LGSN: variants seen among roughly 807,000 people sequenced by gnomAD.
LGSN encodes the protein lengsin.
Under a neutral mutation model 19.5 loss-of-function variants are expected in LGSN, and 21 were observed. That is an observed-to-expected ratio of 1.07 (90% CI 0.76 to 1.55). The LOEUF (loss-of-function observed/expected upper bound fraction) is 1.55. Ranked by LOEUF, LGSN falls within the 40% of genes most tolerant of loss-of-function variation. LGSN has a pLI of 0.00. For synonymous variants in LGSN, 257 were observed against 215.6 expected (o/e 1.19, Z -1.68); for missense variants, 673 against 608.5 (o/e 1.11, Z -1.12).
intron 1 of LGSN, among the ~76,000 whole-genome samples, chr6:63,309,805 A>G (rs748689195): frequency 6.6e-6 from 1 of 152,154 alleles, no homozygotes; most frequent in African/African-American, 2.4e-5. Flanking sequence ...TGAATTTATT[A>G]TTCCTATTTA....
At chr6:63,290,884 C>A (rs186393100) in intron 2 of LGSN, among the ~76,000 whole-genome samples, 4 of 152,318 alleles carry the variant, frequency 2.6e-5, no homozygotes, top group Admixed American at 2.0e-4. Flanking sequence ...AGAACCACTC[C>A]CTATGTTCTT....
At chr6:63,404,192 T>C in the LGSN span, among the ~76,000 whole-genome samples, 1 of 152,160 alleles carries the variant, frequency 6.6e-6, no homozygotes, top group Non-Finnish European at 1.5e-5. Context: ...ACTGAGATAA[T>C]AAATGTGTTT....
chr6:63,349,406 C>T, the LGSN span, among the ~76,000 whole-genome samples: 1 of 152,190 alleles, frequency 6.6e-6, no homozygotes, highest in Non-Finnish European at 1.5e-5. Context: ...GGTGCAAAAA[C>T]ACCTTCTCCT....
chr6:63,520,630 C>CAAATAAATAAATAAATAAAT, the LGSN span, among the ~76,000 whole-genome samples: 4 of 139,000 alleles, frequency 2.9e-5, no homozygotes, highest in African/African-American at 1.1e-4. Context: ...GACTCTGTCT[C>CAAATAAATAAATAAATAAAT]AAATAAATAA....
At chr6:63,291,018 T>G (rs1400432817) in intron 2 of LGSN, among the ~76,000 whole-genome samples, 2 of 152,150 alleles carry the variant, frequency 1.3e-5, no homozygotes, top group Non-Finnish European at 2.9e-5. Flanking sequence ...AAAGCCAAAG[T>G]AGAGAGAAAT....
intron 2 of LGSN, chr6:63,293,800 T>A: frequency 2.2e-6 from 1 of 456,574 alleles, no homozygotes; most frequent in Non-Finnish European, 4.4e-6. Flanking sequence ...CCAGGTCCCA[T>A]GATAGGTTTG....
At position 63,281,116 on chromosome 6, in the gene LGSN, G is replaced by A. The variant is rs137949367; in HGVS notation, c.435C>T (p.Ser145=). 9.9e-6 allele frequency: 16 copies of A among 1,613,464 alleles called. No homozygotes were observed. Among genetic ancestry groups the A allele is most frequent in the East Asian group, 4.5e-5 (2 of 44,852 alleles). Residue 145 remains serine, a synonymous_variant, in exon 4 of 4, where the codon AGC becomes AGT. Coordinates refer to ENST00000370657, the MANE Select transcript of LGSN (RefSeq NM_016571.3). ...ATAACTCTGGCATTAGGACTATGTC[G>A]CTATTAAAACATGTGGCTCTTATGT... The part of the protein sequence containing the change: ...MNNIRATCFN[S]DIVLMPELST...
the LGSN span, among the ~76,000 whole-genome samples, chr6:63,446,783 C>T: frequency 1.3e-5 from 2 of 152,218 alleles, no homozygotes; most frequent in African/African-American, 4.8e-5. Flanking sequence ...GGAGCAGTGG[C>T]TCATGCCTGT....
intron 1 of LGSN, among the ~76,000 whole-genome samples, chr6:63,306,039 C>T (rs1232718487): frequency 2.6e-5 from 4 of 152,064 alleles, no homozygotes; most frequent in African/African-American, 9.7e-5. Context: ...TGCACTCCAG[C>T]CTGGGCAACA....
chr6:63,468,770 A>C, the LGSN span, among the ~76,000 whole-genome samples: 1 of 151,032 alleles, frequency 6.6e-6, no homozygotes, highest in African/African-American at 2.4e-5. Context: ...TTTTTTTGAG[A>C]TGGAGTCTCG....
the LGSN span, among the ~76,000 whole-genome samples, chr6:63,471,574 A>G: frequency 1.3e-5 from 2 of 151,654 alleles, no homozygotes; most frequent in Non-Finnish European, 2.9e-5. Context: ...GCTAGGCAGG[A>G]GAATCGATTG....
chr6:63,314,588 A>AT (rs1768769346), intron 1 of LGSN, among the ~76,000 whole-genome samples: 1 of 152,198 alleles, frequency 6.6e-6, no homozygotes, highest in African/African-American at 2.4e-5. Flanking sequence ...CCTCAGGAAG[A>AT]TTTTCACCCA....
the LGSN span, among the ~76,000 whole-genome samples, chr6:63,482,409 G>A: frequency 2.0e-4 from 31 of 152,256 alleles, no homozygotes; most frequent in East Asian, 3.9e-4. Context: ...TGTTGCCTAA[G>A]GCTGAGGAAC....
the LGSN span, among the ~76,000 whole-genome samples, chr6:63,407,880 C>A: frequency 1.3e-5 from 2 of 152,080 alleles, no homozygotes; most frequent in Non-Finnish European, 2.9e-5. Flanking sequence ...TCTTATACAC[C>A]AATAACAGAC....
the LGSN span, among the ~76,000 whole-genome samples, chr6:63,419,663 C>T: frequency 2.6e-5 from 4 of 151,654 alleles, no homozygotes; most frequent in South Asian, 4.2e-4. Context: ...CCAAAGCGGG[C>T]GGATTGCCTG....
At chr6:63,412,748 A>AAAGG in the LGSN span, among the ~76,000 whole-genome samples, 1 of 89,824 alleles carries the variant, frequency 1.1e-5, no homozygotes, top group African/African-American at 6.7e-5. Flanking sequence ...AGAAAGAAAG[A>AAAGG]AAGAAAGAAA....
the LGSN span, among the ~76,000 whole-genome samples, chr6:63,363,485 C>T: frequency 9.2e-5 from 14 of 152,026 alleles, no homozygotes; most frequent in African/African-American, 2.9e-4. Flanking sequence ...CTAGAATAAA[C>T]GGTGTAGAGA....
At chr6:63,481,384 C>A in the LGSN span, among the ~76,000 whole-genome samples, 2 of 151,258 alleles carry the variant, frequency 1.3e-5, no homozygotes, top group Non-Finnish European at 2.9e-5. Flanking sequence ...GCTCTGTCGC[C>A]CAGGCTGGAG....
chr6:63,393,088 C>T, the LGSN span, among the ~76,000 whole-genome samples: 7 of 151,608 alleles, frequency 4.6e-5, no homozygotes, highest in South Asian at 2.1e-4. Context: ...GGGGTTTCAC[C>T]GCATTAGCCA....
Sources: allele counts gnomAD v4.1 joint callset (sites outside exome capture counted in the v4.1 genomes callset), GRCh38; gene constraint gnomAD v4.1.1; transcripts MANE v1.5; gene names NCBI Gene and HGNC (gene_info 2026-07-23, HGNC 2026-07-21).